Variants in KCNH5 observed in about 807,000 individuals in gnomAD.
KCNH5 encodes potassium voltage-gated channel subfamily H member 5, also known as voltage-gated delayed rectifier potassium channel KCNH5.
A neutral mutation model predicts 96.1 loss-of-function variants in KCNH5; 46 were observed. The observed-to-expected ratio is 0.48, with a 90% CI of 0.38 to 0.61. KCNH5 has a LOEUF of 0.61. Among genes scored for constraint, KCNH5 ranks in the 20% least tolerant of loss-of-function variants. The probability of loss-of-function intolerance (pLI) is 0.00; values close to 1 mark genes in which losing one functional copy is unlikely to be tolerated. For missense variants in KCNH5, 907 were observed against 1,225.8 expected, an observed-to-expected ratio of 0.74 and a Z score of 3.88; for synonymous variants, 439 against 449.8, an observed-to-expected ratio of 0.98 and a Z score of 0.30.
intron 8 of KCNH5, among the ~76,000 whole-genome samples, chr14:62,808,554 T>C (rs1886814755): frequency 6.6e-6 from 1 of 152,126 alleles, no homozygotes; most frequent in South Asian, 2.1e-4. Context: ...ACATTAATAG[T>C]ACATTATTAT....
chr14:62,989,467 A>ACATGTTACAAT (rs1890770491), intron 4 of KCNH5, among the ~76,000 whole-genome samples: 1 of 152,046 alleles, frequency 6.6e-6, no homozygotes, highest in Admixed American at 6.6e-5. Flanking sequence ...CCGTATTTTC[A>ACATGTTACAAT]CATGTTACAA....
intron 8 of KCNH5, 34 bp from the exon 9 acceptor site, chr14:62,802,615 A>C: frequency 6.2e-7 from 1 of 1,607,264 alleles, no homozygotes; most frequent in African/African-American, 1.3e-5. Flanking sequence ...AGTGAAAAGG[A>C]AAGAGGAAGG....
intron 9 of KCNH5, among the ~76,000 whole-genome samples, chr14:62,797,425 A>C (rs534096939): frequency 6.6e-6 from 1 of 152,350 alleles, no homozygotes; most frequent in Admixed American, 6.5e-5. Context: ...ACAAATCTAC[A>C]TGTTTCACAG....
At chr14:62,781,271 C>T (rs541676142) in intron 9 of KCNH5, among the ~76,000 whole-genome samples, 1 of 152,258 alleles carries the variant, frequency 6.6e-6, no homozygotes, top group East Asian at 1.9e-4. Context: ...ACATCAAGTA[C>T]TTTACAAGGT....
intron 8 of KCNH5, among the ~76,000 whole-genome samples, chr14:62,841,032 A>G (rs1422020296): frequency 6.6e-6 from 1 of 152,142 alleles, no homozygotes; most frequent in African/African-American, 2.4e-5. Context: ...TATAAATTAT[A>G]TAAATGAATA....
intron 7 of KCNH5, among the ~76,000 whole-genome samples, chr14:62,915,024 GACA>G (rs1889247379): frequency 6.6e-6 from 1 of 152,214 alleles, no homozygotes. Context: ...GCACAGAACA[GACA>G]ATAAGTGTCT....
chr14:62,729,259 AT>A (rs535804685), intron 10 of KCNH5, among the ~76,000 whole-genome samples: 86 of 152,332 alleles, frequency 5.6e-4, no homozygotes, highest in African/African-American at 2.0e-3. Flanking sequence ...ACTTTTTAAT[AT>A]AGTTACAGTC....
intron 2 of KCNH5, among the ~76,000 whole-genome samples, chr14:63,014,155 A>G (rs191162474): frequency 6.6e-6 from 1 of 152,186 alleles, no homozygotes; most frequent in Non-Finnish European, 1.5e-5. Context: ...TCTGATAAGT[A>G]AAGACAATTT....
At chr14:63,040,982 T>C (rs1891812942) in intron 1 of KCNH5, among the ~76,000 whole-genome samples, 1 of 152,034 alleles carries the variant, frequency 6.6e-6, no homozygotes, top group Non-Finnish European at 1.5e-5. Flanking sequence ...CTTCTAGTTT[T>C]CCACAAAACT....
At chr14:62,836,862 A>G (rs1887475641) in intron 8 of KCNH5, among the ~76,000 whole-genome samples, 1 of 152,176 alleles carries the variant, frequency 6.6e-6, no homozygotes, top group Non-Finnish European at 1.5e-5. Context: ...CATACGGGGC[A>G]TGGAGTAGGT....
At chr14:62,967,246 AT>A (rs1334397935) in intron 6 of KCNH5, among the ~76,000 whole-genome samples, 1 of 151,066 alleles carries the variant, frequency 6.6e-6, no homozygotes, top group Non-Finnish European at 1.5e-5. Flanking sequence ...TGATGAGGGA[AT>A]TTTTTTTTCC....
chr14:63,003,514 T>TA lies in KCNH5; in HGVS notation c.305-2056_305-2055insT, dbSNP rs1235642960. Reference sequence around the variant, plus strand: ...ATATTATATATATATTTTATATATATTTTATATATTTTATATATATTATAT... The same window carrying TA: ...ATATTATATATATATTTTATATATATATTTATATATTTTATATATATTATAT... On this transcript the variant is annotated intron_variant, in intron 3 of 10. Coordinates refer to ENST00000322893, the MANE Select transcript of KCNH5 (RefSeq NM_139318.5). 5.4e-3 allele frequency among the ~76,000 whole-genome samples: 611 copies of TA among 112,506 alleles called. 11 individuals carry two copies. The highest frequency in any genetic ancestry group is 0.021 in the African/African-American group (573 of 27,630). The allele number at this position is 112,506 out of a possible 152,430, so 73.8% of individuals were successfully genotyped here. A position where few individuals can be genotyped will look rare whatever the true frequency, so the allele number is the denominator to read the frequency against.
chr14:62,735,680 G>T (rs987312433), intron 10 of KCNH5, among the ~76,000 whole-genome samples: 2 of 152,116 alleles, frequency 1.3e-5, no homozygotes, highest in Non-Finnish European at 2.9e-5. Flanking sequence ...CCATAACAGT[G>T]TCCTCCAAAT....
chr14:62,757,849 C>CA (rs1184946274), intron 10 of KCNH5, among the ~76,000 whole-genome samples: 2 of 151,840 alleles, frequency 1.3e-5, no homozygotes, highest in East Asian at 3.9e-4. Context: ...TTAATGGTTA[C>CA]AAAAAAATAG....
chr14:62,934,571 T>C (rs2140118351), intron 7 of KCNH5, among the ~76,000 whole-genome samples: 1 of 152,264 alleles, frequency 6.6e-6, no homozygotes, highest in South Asian at 2.1e-4. Context: ...GTGCAGAGTG[T>C]TTTCAGTCCC....
intron 1 of KCNH5, among the ~76,000 whole-genome samples, chr14:63,040,379 C>T (rs938672139): frequency 6.6e-6 from 1 of 152,070 alleles, no homozygotes; most frequent in Non-Finnish European, 1.5e-5. Flanking sequence ...CATTATATAA[C>T]ACAGTGTGGG....
intron 7 of KCNH5, among the ~76,000 whole-genome samples, chr14:62,920,047 G>A (rs1640164499): frequency 6.6e-6 from 1 of 152,106 alleles, no homozygotes; most frequent in Non-Finnish European, 1.5e-5. Context: ...GTGCATGAGA[G>A]TTTTGGGGGA....
intron 7 of KCNH5, among the ~76,000 whole-genome samples, chr14:62,902,583 G>A (rs997449828): frequency 1.3e-5 from 2 of 152,028 alleles, no homozygotes; most frequent in African/African-American, 2.4e-5. Flanking sequence ...TTTTGTAAGA[G>A]CCCAATTTTT....
intron 7 of KCNH5, among the ~76,000 whole-genome samples, chr14:62,855,208 C>G (rs1184088474): frequency 6.6e-6 from 1 of 152,050 alleles, no homozygotes; most frequent in Non-Finnish European, 1.5e-5. Context: ...CATAGCTGAG[C>G]AATTTACAAT....
Sources: gnomAD v4.1 joint callset for allele counts (sites outside exome capture counted in the v4.1 genomes callset) on GRCh38, gnomAD v4.1.1 for gene constraint, MANE v1.5 for transcripts, NCBI Gene and HGNC (gene_info 2026-07-23, HGNC 2026-07-21) for gene names.